Variants in ETS1 observed in about 807,000 individuals in gnomAD.
ETS1 encodes the protein protein C-ets-1.
ETS1 carries 15 observed loss-of-function variants against 58.6 expected under a neutral mutation model. That is an observed-to-expected ratio of 0.26 (90% CI 0.17 to 0.39). The LOEUF (loss-of-function observed/expected upper bound fraction) is 0.39, where lower values mean the gene tolerates loss of function less well. Ranked by LOEUF, ETS1 falls within the 10% of genes least tolerant of loss-of-function variation. The pLI, the probability that ETS1 is intolerant of heterozygous loss-of-function variation, is 1.00. For synonymous variants in ETS1, 214 were observed against 218.2 expected, an observed-to-expected ratio of 0.98 and a Z score of 0.17; for missense variants, 417 against 610.5, an observed-to-expected ratio of 0.68 and a Z score of 3.34.
intron 3 of ETS1, among the ~76,000 whole-genome samples, chr11:128,540,320 C>CAAAAAAA (rs112191021): frequency 3.6e-5 from 3 of 83,792 alleles, no homozygotes; most frequent in East Asian, 3.0e-4. Flanking sequence ...AATTCCATCT[C>CAAAAAAA]AAAAAAAAAA....
chr11:128,528,066 C>T (rs1288950195), intron 3 of ETS1, among the ~76,000 whole-genome samples: 1 of 152,102 alleles, frequency 6.6e-6, no homozygotes, highest in Non-Finnish European at 1.5e-5. Flanking sequence ...GGGAAGTCCT[C>T]TGAGAACAAT....
intron 2 of ETS1, among the ~76,000 whole-genome samples, 152 bp from the exon 3 acceptor site, chr11:128,556,587 T>C (rs1864316979): frequency 6.6e-6 from 1 of 152,200 alleles, no homozygotes; most frequent in Admixed American, 6.5e-5. Flanking sequence ...TTTCTTCCCT[T>C]ATCCCCCCAC....
chr11:128,538,077 A>G (rs1863996712), intron 3 of ETS1, among the ~76,000 whole-genome samples: 1 of 152,228 alleles, frequency 6.6e-6, no homozygotes, highest in Admixed American at 6.5e-5. Context: ...GATGTTTGCC[A>G]CACAACTATT....
rs73582820 is a variant in ETS1 at position 128,482,112 on chromosome 11, T to A, written c.863-1661A>T. Among the ~76,000 whole-genome samples, 727 of 152,350 alleles carry A rather than the reference T, an allele frequency of 4.8e-3. 4 individuals are homozygous for A. The highest frequency in any genetic ancestry group is 0.017 in the African/African-American group (692 of 41,592). Reference sequence around the variant, plus strand: ...CTAAAAATGAATATATATTTCTTTATAATTCTTAAAAATTCTTTCCCATTT... The same window carrying A: ...CTAAAAATGAATATATATTTCTTTAAAATTCTTAAAAATTCTTTCCCATTT... On this transcript the variant is annotated intron_variant, in intron 7 of 9. Transcript: ENST00000392668.
intron 3 of ETS1, among the ~76,000 whole-genome samples, chr11:128,506,741 C>G (rs890561838): frequency 3.3e-5 from 5 of 152,036 alleles, no homozygotes; most frequent in Admixed American, 2.6e-4. Flanking sequence ...ACTGGGAGAC[C>G]GACCGTGGGA....
intron 1 of ETS1, among the ~76,000 whole-genome samples, chr11:128,585,105 AAGGAAGGAAGG>A (rs1565421549): frequency 1.9e-4 from 5 of 26,456 alleles, no homozygotes; most frequent in Middle Eastern, 7.6e-3. Context: ...GAAAGAAAGG[AAGGAAGGAAGG>A]AAAGAAAGAA....
At chr11:128,479,266 A>G (rs1441092030) in intron 8 of ETS1, among the ~76,000 whole-genome samples, 4 of 152,208 alleles carry the variant, frequency 2.6e-5, no homozygotes, top group Admixed American at 1.3e-4. Context: ...CTACATGAAA[A>G]CATATCCAGG....
At chr11:128,583,837 G>C (rs1384006197) in intron 1 of ETS1, among the ~76,000 whole-genome samples, 1 of 151,962 alleles carries the variant, frequency 6.6e-6, no homozygotes, top group East Asian at 1.9e-4. Context: ...AAGTTCTGAA[G>C]GCAGCTCCAA....
intron 8 of ETS1, 51 bp downstream of exon 8, chr11:128,480,140 C>G: frequency 6.3e-7 from 1 of 1,598,008 alleles, no homozygotes; most frequent in Non-Finnish European, 8.5e-7. Flanking sequence ...CAGGACCCCA[C>G]CCACAGAAAC....
At chr11:128,546,503 G>A (rs921010793) in intron 3 of ETS1, among the ~76,000 whole-genome samples, 4 of 152,082 alleles carry the variant, frequency 2.6e-5, no homozygotes, top group East Asian at 1.9e-4. Context: ...ACCTATGCAC[G>A]TCCTCCCATA....
At chr11:128,523,408 G>A (rs140392898) in intron 3 of ETS1, among the ~76,000 whole-genome samples, 1,872 of 152,324 alleles carry the variant, frequency 0.012, 20 homozygotes, top group Non-Finnish European at 0.02. Flanking sequence ...TAAATACATA[G>A]CTAGAACCAG....
intron 5 of ETS1, among the ~76,000 whole-genome samples, chr11:128,488,955 C>G (rs975484836): frequency 2.6e-5 from 4 of 152,144 alleles, no homozygotes; most frequent in East Asian, 3.8e-4. Flanking sequence ...AAAACAAAAA[C>G]TATTCTTGGG....
chr11:128,573,790 A>G (rs1864686890), intron 1 of ETS1, among the ~76,000 whole-genome samples: 1 of 152,240 alleles, frequency 6.6e-6, no homozygotes, highest in African/African-American at 2.4e-5. Flanking sequence ...GGGATTTTCC[A>G]GTTAGCTACT....
chr11:128,489,787 C>T (rs773395965), intron 4 of ETS1, among the ~76,000 whole-genome samples: 14 of 152,216 alleles, frequency 9.2e-5, no homozygotes, highest in Non-Finnish European at 1.9e-4. Flanking sequence ...TCCTCTCTCA[C>T]TGCCTTATTC....
At chr11:128,466,581 G>A (rs1381087231) in intron 8 of ETS1, among the ~76,000 whole-genome samples, 2 of 152,194 alleles carry the variant, frequency 1.3e-5, no homozygotes, top group African/African-American at 4.8e-5. Context: ...GTCATAGGCT[G>A]TAGATGCCCT....
chr11:128,543,048 G>C (rs191313892), intron 3 of ETS1, among the ~76,000 whole-genome samples: 3 of 151,788 alleles, frequency 2.0e-5, no homozygotes, highest in Non-Finnish European at 4.4e-5. Context: ...GGTGGCAAGC[G>C]ACTGTAATCC....
chr11:128,516,363 G>C (rs1200619516), intron 3 of ETS1, among the ~76,000 whole-genome samples: 2 of 152,214 alleles, frequency 1.3e-5, no homozygotes, highest in African/African-American at 2.4e-5. Flanking sequence ...GGTAGACCTA[G>C]AATACTGCAA....
rs1864190108 is a variant in ETS1 at position 128,549,269 on chromosome 11, C to T, written c.214+7022G>A. 6.7e-6 allele frequency among the ~76,000 whole-genome samples: 1 copy of T among 150,138 alleles called. No individual in the cohort carries two copies. ...CCTCCACTCTCACGCGCCCCTCGCC[C>T]CTCGCCCCTCGCCCCTCGCCCCTCT... On this transcript the variant is annotated intron_variant, in intron 3 of 9. Transcript: ENST00000392668. This position sits in a 1 kb window ranked among gnomAD's most constrained non-coding sequence, Gnocchi z 4.3.
Position 128,462,103 on chromosome 11 carries a change from A to G in ETS1, c.*258T>C, listed in dbSNP as rs1861919577. ...TTTCTCTGTTAAGCCAGAGCCTTCA[A>G]GCTTCTGAGAAGGCCCTTCTCCCTC... On this transcript the variant is annotated 3_prime_UTR_variant, in exon 10 of 10. Coordinates refer to ENST00000392668, the MANE Select transcript of ETS1 (RefSeq NM_001143820.2). The G allele has an allele frequency of 6.3e-6, 3 of 479,564 alleles. No homozygotes were observed. The highest frequency in any genetic ancestry group is 1.1e-5 in the Non-Finnish European group (3 of 267,054). 29.7% of individuals were successfully genotyped at this position (479,564 alleles called of 1,614,324 possible).
Sources: gnomAD v4.1 joint callset for allele counts (sites outside exome capture counted in the v4.1 genomes callset) on GRCh38, gnomAD v4.1.1 for gene constraint, Gnocchi (gnomAD v3.1) non-coding constraint, MANE v1.5 for transcripts, NCBI Gene and HGNC (gene_info 2026-07-23, HGNC 2026-07-21) for gene names.